The following PRLR variants were observed in gnomAD, a reference collection of about 807,000 sequenced individuals.
PRLR encodes the protein prolactin receptor.
In PRLR, 13 loss-of-function variants were observed where a neutral mutation model predicts 40.2. The ratio of observed to expected loss-of-function variants is 0.32; its 90% confidence interval spans 0.21 to 0.51. The LOEUF (loss-of-function observed/expected upper bound fraction) is 0.51, where lower values mean the gene tolerates loss of function less well. Ranked by LOEUF, PRLR falls within the 20% of genes least tolerant of loss-of-function variation. The probability of loss-of-function intolerance (pLI) is 0.97; values close to 1 mark genes in which losing one functional copy is unlikely to be tolerated. For synonymous variants in PRLR, 269 were observed against 278.7 expected (o/e 0.97, Z 0.35); for missense variants, 656 against 747.3 (o/e 0.88, Z 1.42).
At chr5:35,211,807 T>G (rs570642452) in intron 1 of PRLR, among the ~76,000 whole-genome samples, 24 of 152,352 alleles carry the variant, frequency 1.6e-4, no homozygotes, top group African/African-American at 5.5e-4. Context: ...GATACCAGAT[T>G]CATAAAATAT....
At chr5:35,078,880 C>A (rs1399215744) in intron 5 of PRLR, among the ~76,000 whole-genome samples, 1 of 152,158 alleles carries the variant, frequency 6.6e-6, no homozygotes, top group African/African-American at 2.4e-5. Flanking sequence ...AGGCTTCATC[C>A]CTGGGATGCA....
chr5:35,105,594 G>C (rs1772186422), intron 2 of PRLR, among the ~76,000 whole-genome samples: 1 of 152,152 alleles, frequency 6.6e-6, no homozygotes. Context: ...ACAAGCTTCA[G>C]TAGCTGATTT....
At chr5:35,071,931 T>C (rs1219747690) in intron 6 of PRLR, among the ~76,000 whole-genome samples, 1 of 150,224 alleles carries the variant, frequency 6.7e-6, no homozygotes, top group Admixed American at 6.7e-5. Context: ...GTTTCATTCT[T>C]GTTGCCCAGG....
chr5:35,106,997 G>A (rs1772303552), intron 2 of PRLR, among the ~76,000 whole-genome samples: 2 of 152,154 alleles, frequency 1.3e-5, no homozygotes, highest in South Asian at 4.1e-4. Context: ...CTCAGCAAAT[G>A]TAAAAGAACA....
chr5:35,203,531 C>A (rs1775934831), intron 1 of PRLR, among the ~76,000 whole-genome samples: 1 of 152,068 alleles, frequency 6.6e-6, no homozygotes, highest in Non-Finnish European at 1.5e-5. Context: ...TTCTTTGTGC[C>A]AGAACTTTGG....
At chr5:35,074,687 G>A (rs949258433) in intron 5 of PRLR, among the ~76,000 whole-genome samples, 2 of 151,938 alleles carry the variant, frequency 1.3e-5, no homozygotes, top group African/African-American at 2.4e-5. Flanking sequence ...GCATAAAATT[G>A]TAATAAACTA....
intron 2 of PRLR, among the ~76,000 whole-genome samples, chr5:35,105,449 A>G (rs1772174403): frequency 6.6e-6 from 1 of 152,232 alleles, no homozygotes; most frequent in Non-Finnish European, 1.5e-5. Context: ...GAGGGTGTTC[A>G]AACCCATCGC....
At chr5:35,134,353 G>A (rs1379908463) in intron 1 of PRLR, among the ~76,000 whole-genome samples, 1 of 151,478 alleles carries the variant, frequency 6.6e-6, no homozygotes, top group Admixed American at 6.6e-5. Context: ...AAGATCTGGC[G>A]CTGTGAAGAT....
chr5:35,090,965 G>A (rs973275210), intron 2 of PRLR, among the ~76,000 whole-genome samples: 7 of 151,340 alleles, frequency 4.6e-5, no homozygotes, highest in Non-Finnish European at 7.4e-5. Flanking sequence ...AGCCCCCCAC[G>A]ATGCCCGGCT....
At chr5:35,116,186 A>C (rs956487601) in intron 2 of PRLR, among the ~76,000 whole-genome samples, 1 of 152,162 alleles carries the variant, frequency 6.6e-6, no homozygotes, top group African/African-American at 2.4e-5. Context: ...GGTGCACTTA[A>C]AGATGAATAG....
At chr5:35,173,829 T>C (rs1775066710) in intron 1 of PRLR, among the ~76,000 whole-genome samples, 1 of 152,204 alleles carries the variant, frequency 6.6e-6, no homozygotes. Context: ...TTCTTTTCTT[T>C]TCTTTTTACT....
Position 35,049,314 on chromosome 5 carries a change from T to C in PRLR, c.1104A>G (p.Thr368=), listed in dbSNP as rs1419954254. The change falls in exon 9 of 9, where the codon ACA becomes ACG. Residue 368 remains threonine (T), a synonymous_variant. Transcript: ENST00000231423. ...ACTGGACTGTGGTCAATGTTGCCTT[T>C]GTGAACACCGCAAGTCTTCCTTGAC... The C allele has an allele frequency of 4.3e-6, 3 of 703,378 alleles. No individual in the cohort carries two copies. In the South Asian group the frequency reaches 4.4e-5, roughly 10 times the overall value. The allele number at this position is 703,378 out of a possible 1,614,324, so 43.6% of individuals were successfully genotyped here.
chr5:35,190,652 A>C (rs1443888122), intron 1 of PRLR, among the ~76,000 whole-genome samples: 2 of 152,070 alleles, frequency 1.3e-5, no homozygotes, highest in African/African-American at 4.8e-5. Flanking sequence ...CTAAGCAATC[A>C]GTTGCTTTTT....
chr5:35,159,449 A>G (rs1379426548), intron 1 of PRLR, among the ~76,000 whole-genome samples: 1 of 135,490 alleles, frequency 7.4e-6, no homozygotes, highest in Admixed American at 7.4e-5. Context: ...AGAAAAAACT[A>G]GAGTGTCACC....
At chr5:35,142,242 T>A (rs900638137) in intron 1 of PRLR, among the ~76,000 whole-genome samples, 2 of 152,200 alleles carry the variant, frequency 1.3e-5, no homozygotes, top group Non-Finnish European at 2.9e-5. Context: ...ATGCCTAGGT[T>A]GAACTGAATA....
intron 1 of PRLR, among the ~76,000 whole-genome samples, chr5:35,221,027 A>G (rs1776403340): frequency 6.6e-6 from 1 of 152,172 alleles, no homozygotes; most frequent in African/African-American, 2.4e-5. Context: ...CAAATTTATG[A>G]GTACCCCAGC....
intron 1 of PRLR, among the ~76,000 whole-genome samples, chr5:35,180,066 C>T (rs981915059): frequency 2.6e-5 from 4 of 152,120 alleles, no homozygotes; most frequent in Non-Finnish European, 2.9e-5. Context: ...CCGATCACCA[C>T]GCATTATAGT....
chr5:35,128,062 C>T (rs139583865), intron 1 of PRLR, among the ~76,000 whole-genome samples: 159 of 152,080 alleles, frequency 1.0e-3, no homozygotes, highest in Non-Finnish European at 1.4e-3. Context: ...ATAAACTATA[C>T]GCTGAAAATA....
intron 1 of PRLR, among the ~76,000 whole-genome samples, chr5:35,158,557 G>C: frequency 6.6e-6 from 1 of 151,964 alleles, no homozygotes; most frequent in East Asian, 1.9e-4. Context: ...GATTCGAGTG[G>C]GACTGTTAAC....
Sources: gnomAD v4.1 joint callset for allele counts (sites outside exome capture counted in the v4.1 genomes callset) on GRCh38, gnomAD v4.1.1 for gene constraint, MANE v1.5 for transcripts, NCBI Gene and HGNC (gene_info 2026-07-23, HGNC 2026-07-21) for gene names.